The following RNF17 variants were observed in gnomAD, a reference collection of about 807,000 sequenced individuals.
The protein encoded by RNF17 is ring finger protein 17.
Under a neutral mutation model 200.5 loss-of-function variants are expected in RNF17, and 31 were observed. That is an observed-to-expected ratio of 0.15 (90% CI 0.12 to 0.21). The LOEUF (loss-of-function observed/expected upper bound fraction) is 0.21. Ranked by LOEUF, RNF17 falls within the 10% of genes least tolerant of loss-of-function variation. RNF17 has a pLI of 1.00. For synonymous variants in RNF17, 606 were observed against 637.8 expected (o/e 0.95, Z 0.75); for missense variants, 1,628 against 1,905.1 (o/e 0.85, Z 2.71).
chr13:24,749,484 G>C, the RNF17 span, among the ~76,000 whole-genome samples: 2 of 151,754 alleles, frequency 1.3e-5, no homozygotes, highest in African/African-American at 2.4e-5. Flanking sequence ...AGAACTTTCT[G>C]AGTAAAACAA....
chr13:24,825,525 G>T, intron 15 of RNF17, 94 bp from the exon 16 acceptor site: 1 of 844,190 alleles, frequency 1.2e-6, no homozygotes. Flanking sequence ...AAGTTTTAAT[G>T]TTTCATAATT....
chr13:24,807,839 G>T (rs2137789922), intron 15 of RNF17, among the ~76,000 whole-genome samples: 1 of 151,736 alleles, frequency 6.6e-6, no homozygotes, highest in East Asian at 1.9e-4. Context: ...GTAAGGAAGG[G>T]ATCCAGTTTC....
chr13:24,784,048 C>G (rs1229567628), intron 6 of RNF17, among the ~76,000 whole-genome samples: 1 of 152,092 alleles, frequency 6.6e-6, no homozygotes, highest in African/African-American at 2.4e-5. Flanking sequence ...TAGTCATCTT[C>G]TAGTTTGAGT....
chr13:24,779,874 A>C, intron 5 of RNF17, 127 bp downstream of exon 5: 1 of 625,488 alleles, frequency 1.6e-6, no homozygotes, highest in Non-Finnish European at 2.6e-6. Context: ...TAATCTAAAA[A>C]AGAATGGAAA....
intron 1 of RNF17, among the ~76,000 whole-genome samples, chr13:24,765,136 C>T (rs1879464942): frequency 6.6e-6 from 1 of 152,152 alleles, no homozygotes; most frequent in Admixed American, 6.5e-5. Context: ...CTGTCTCAGC[C>T]TCTGGAGTAG....
At chr13:24,883,212 T>C, downstream of RNF17, 1 of 1,614,070 alleles carries the variant, frequency 6.2e-7, no homozygotes, top group East Asian at 2.2e-5. Flanking sequence ...TTACCCTCCT[T>C]GTCCTTAACT....
the RNF17 span, among the ~76,000 whole-genome samples, chr13:24,757,231 T>G: frequency 7.1e-6 from 1 of 141,064 alleles, no homozygotes; most frequent in Non-Finnish European, 1.6e-5. Flanking sequence ...CCATCTGCAC[T>G]TTATTCTTCC....
In RNF17 at chr13:24,799,531, A is replaced by G. The variant is rs1044070304; in HGVS notation, c.1536A>G (p.Leu512=). The G allele has an allele frequency of 1.2e-6, 2 of 1,611,124 alleles. No individual in the cohort carries two copies. Among genetic ancestry groups the G allele is most frequent in the Non-Finnish European group, 1.7e-6 (2 of 1,178,136 alleles). Residue 512 remains leucine (L), a synonymous_variant, in exon 12 of 36, where the codon CTA becomes CTG. Coordinates refer to ENST00000255324, the MANE Select transcript of RNF17 (RefSeq NM_031277.3). ...PTRLFVHEVA[L]IQIFMVDFGN... ...GATTATTTGTCCATGAAGTTGCACT[A>G]ATACAAATATTCATGGTAGATTTTG...
At chr13:24,775,762 GTATC>G (rs1881477755) in intron 3 of RNF17, among the ~76,000 whole-genome samples, 1 of 152,156 alleles carries the variant, frequency 6.6e-6, no homozygotes, top group Non-Finnish European at 1.5e-5. Flanking sequence ...CCAGAGATGA[GTATC>G]TATGTTACTG....
At chr13:24,757,065 C>T in the RNF17 span, among the ~76,000 whole-genome samples, 3 of 152,052 alleles carry the variant, frequency 2.0e-5, no homozygotes, top group Non-Finnish European at 2.9e-5. Flanking sequence ...CCTTGCAATT[C>T]AATCATTTAG....
intron 28 of RNF17, among the ~76,000 whole-genome samples, chr13:24,864,133 AG>A (rs755494396): frequency 1.4e-4 from 22 of 152,208 alleles, no homozygotes; most frequent in Non-Finnish European, 2.9e-4. Flanking sequence ...GTCGCTGCAA[AG>A]GTAACATTTG....
chr13:24,845,144 T>A, intron 22 of RNF17, 65 bp downstream of exon 22: 1 of 845,820 alleles, frequency 1.2e-6, no homozygotes, highest in Non-Finnish European at 1.9e-6. Flanking sequence ...TCGTCAGTTT[T>A]AATTTTGCTA....
chr13:24,885,452 A>T, the RNF17 span: 1 of 1,241,194 alleles, frequency 8.1e-7, no homozygotes, highest in Non-Finnish European at 1.2e-6. Flanking sequence ...ATTCTGATAT[A>T]GGGTTCTAGG....
In RNF17 at chr13:24,778,145, C is replaced by T. The variant is rs529249304; in HGVS notation, c.318-150C>T. 55 of 556,826 alleles carry T rather than the reference C, an allele frequency of 9.9e-5. 1 individual carries two copies. The South Asian group carries it at 1.2e-3, about 12-fold the overall frequency. 34.5% of individuals were successfully genotyped at this position (556,826 alleles called of 1,614,324 possible). On this transcript the variant is annotated intron_variant, in intron 3 of 35. Transcript: ENST00000255324. ...AGTGTGGTGGCACATGCCTATGGTC[C>T]CAGCTACTTGGGAGACTGAGGTGGG...
At chr13:24,789,093 A>G (rs1883509034) in intron 7 of RNF17, among the ~76,000 whole-genome samples, 1 of 152,178 alleles carries the variant, frequency 6.6e-6, no homozygotes, top group Admixed American at 6.5e-5. Flanking sequence ...ATAGCAGCAC[A>G]GTTGCAAAAT....
At chr13:24,763,026 G>C (rs1292190404), upstream of RNF17, among the ~76,000 whole-genome samples, 3 of 152,070 alleles carry the variant, frequency 2.0e-5, no homozygotes. Flanking sequence ...CCTCGCTGAT[G>C]TGTTCTTTAT....
intron 26 of RNF17, among the ~76,000 whole-genome samples, chr13:24,860,730 C>T (rs537360794): frequency 6.6e-6 from 1 of 151,650 alleles, no homozygotes; most frequent in African/African-American, 2.4e-5. Context: ...CCAATAAAAC[C>T]CAGTTTTTTT....
At position 24,836,102 on chromosome 13, in the gene RNF17, A is replaced by C. The variant is rs1256943335; in HGVS notation, c.2482+4124A>C. Among the ~76,000 whole-genome samples the C allele has an allele frequency of 2.0e-5, 3 of 152,206 alleles. No homozygotes were observed. The South Asian group carries it at 6.2e-4, about 32-fold the overall frequency. On this transcript the variant is annotated intron_variant, in intron 18 of 35. Coordinates refer to ENST00000255324, the MANE Select transcript of RNF17 (RefSeq NM_031277.3). ...TTCGAATTAACCTAATCCAACAAAG[A>C]CAAGGAAAAAAGAAAATATGAACAA...
At chr13:24,831,255 A>G (rs1889345212) in intron 17 of RNF17, among the ~76,000 whole-genome samples, 1 of 152,202 alleles carries the variant, frequency 6.6e-6, no homozygotes, top group African/African-American at 2.4e-5. Context: ...CCTGGCTAAC[A>G]TGATGAAACC....
Sources: allele counts gnomAD v4.1 joint callset (sites outside exome capture counted in the v4.1 genomes callset), GRCh38; gene constraint gnomAD v4.1.1; transcripts MANE v1.5; gene names NCBI Gene and HGNC (gene_info 2026-07-23, HGNC 2026-07-21).